Variants in SLC20A2 observed in about 807,000 individuals in gnomAD.
SLC20A2 encodes the protein solute carrier family 20 member 2.
SLC20A2 carries 30 observed loss-of-function variants against 61.0 expected under a neutral mutation model. The ratio of observed to expected loss-of-function variants is 0.49; its 90% CI spans 0.37 to 0.67. The LOEUF (loss-of-function observed/expected upper bound fraction) is 0.67, where lower values mean the gene tolerates loss of function less well. Ranked by LOEUF, SLC20A2 falls within the 30% of genes least tolerant of loss-of-function variation. SLC20A2 has a pLI of 0.00. For synonymous variants in SLC20A2, 351 were observed against 353.3 expected (o/e 0.99, Z 0.07); for missense variants, 626 against 866.4 (o/e 0.72, Z 3.48).
At chr8:42,430,329 T>C in intron 8 of SLC20A2, 80 bp from the exon 9 acceptor site, 2 of 1,196,270 alleles carry the variant, frequency 1.7e-6, no homozygotes, top group African/African-American at 1.5e-5. Context: ...TGTTTTATTG[T>C]GCTTCACTTT....
intron 5 of SLC20A2, among the ~76,000 whole-genome samples, chr8:42,458,944 C>T (rs1158016846): frequency 7.3e-6 from 1 of 136,172 alleles, no homozygotes; most frequent in Non-Finnish European, 1.6e-5. Context: ...TTTTTAACCC[C>T]CCCCCCCACA....
rs887317572 is a variant in SLC20A2, at chr8:42,417,695, A to C, written c.*108T>G. On this transcript the variant is annotated 3_prime_UTR_variant, in exon 11 of 11. Transcript: ENST00000520262. ...GAAGGGAGGCAGAGAGCTGGTCATG[A>C]GAGAGCCGTGCACGGCCAGGATGTG... 3.2e-6 allele frequency: 4 copies of C among 1,239,078 alleles called. No individual in the cohort carries two copies. In the African/African-American group the frequency reaches 5.9e-5, roughly 18 times the overall value. The allele number at this position is 1,239,078 out of a possible 1,614,324, so 76.8% of individuals were successfully genotyped here.
chr8:42,510,332 A>T (rs1291500043), intron 1 of SLC20A2, among the ~76,000 whole-genome samples: 2 of 151,856 alleles, frequency 1.3e-5, no homozygotes, highest in Non-Finnish European at 2.9e-5. Flanking sequence ...ACCAAGGTAA[A>T]CTCCACCCAT....
At chr8:42,426,054 T>A (rs1386890543) in intron 10 of SLC20A2, among the ~76,000 whole-genome samples, 1 of 151,976 alleles carries the variant, frequency 6.6e-6, no homozygotes, top group Admixed American at 6.6e-5. Flanking sequence ...AACCTTATCA[T>A]GTACTTTGTA....
chr8:42,470,396 T>C (rs1270009839), intron 2 of SLC20A2, among the ~76,000 whole-genome samples: 1 of 151,852 alleles, frequency 6.6e-6, no homozygotes, highest in African/African-American at 2.4e-5. Context: ...TTTTTAGTTT[T>C]TTTGTACAGA....
At chr8:42,455,241 A>ATATATATATATATAT in intron 5 of SLC20A2, among the ~76,000 whole-genome samples, 1 of 102,596 alleles carries the variant, frequency 9.7e-6, no homozygotes, top group African/African-American at 5.0e-5. Flanking sequence ...AAAAAAAAAA[A>ATATATATATATATAT]ATATATATAT....
At chr8:42,515,376 A>G (rs1213956018) in intron 1 of SLC20A2, among the ~76,000 whole-genome samples, 1 of 152,218 alleles carries the variant, frequency 6.6e-6, no homozygotes, top group African/African-American at 2.4e-5. Context: ...TGTGTTCAAG[A>G]TAATACAAGA....
intron 1 of SLC20A2, among the ~76,000 whole-genome samples, chr8:42,523,793 G>A (rs1031278949): frequency 6.6e-6 from 1 of 152,168 alleles, no homozygotes; most frequent in Admixed American, 6.5e-5. Flanking sequence ...TTGACCTTCA[G>A]AAATCCCTCA....
chr8:42,493,297 G>A (rs117285053), intron 1 of SLC20A2, among the ~76,000 whole-genome samples: 110 of 152,336 alleles, frequency 7.2e-4, no homozygotes, highest in Middle Eastern at 6.8e-3. Context: ...TCCTGGCAGC[G>A]TCTGGCAGAA....
intron 1 of SLC20A2, among the ~76,000 whole-genome samples, chr8:42,517,908 ATTGT>A (rs1265129318): frequency 1.3e-5 from 2 of 152,192 alleles, no homozygotes; most frequent in African/African-American, 2.4e-5. Flanking sequence ...GTACAAAAAC[ATTGT>A]TTGTAGTGGC....
intron 1 of SLC20A2, among the ~76,000 whole-genome samples, chr8:42,481,139 C>T (rs1201578066): frequency 6.6e-6 from 1 of 152,154 alleles, no homozygotes; most frequent in East Asian, 1.9e-4. Context: ...CTGTTTGAAG[C>T]TAATGCTTAC....
At chr8:42,485,824 T>C (rs964752596) in intron 1 of SLC20A2, among the ~76,000 whole-genome samples, 2 of 151,192 alleles carry the variant, frequency 1.3e-5, no homozygotes, top group African/African-American at 4.9e-5. Context: ...CGCATGCCTG[T>C]AATCCCAGCT....
chr8:42,495,381 G>C (rs1454320137), intron 1 of SLC20A2, among the ~76,000 whole-genome samples: 2 of 152,176 alleles, frequency 1.3e-5, no homozygotes, highest in Non-Finnish European at 2.9e-5. Context: ...GGGTTTCACA[G>C]ACTCTACTTA....
intron 10 of SLC20A2, among the ~76,000 whole-genome samples, chr8:42,421,789 G>A (rs560714283): frequency 1.5e-3 from 225 of 151,992 alleles, no homozygotes; most frequent in Non-Finnish European, 2.4e-3. Context: ...CCTGGGTAAC[G>A]AGTGAAACTC....
intron 1 of SLC20A2, among the ~76,000 whole-genome samples, chr8:42,522,654 C>T (rs1811654448): frequency 8.5e-6 from 1 of 117,264 alleles, no homozygotes; most frequent in Non-Finnish European, 2.0e-5. Context: ...GCACTCCAGC[C>T]TGGGCGACAG....
At chr8:42,519,648 G>A (rs777661798) in intron 1 of SLC20A2, among the ~76,000 whole-genome samples, 3 of 152,004 alleles carry the variant, frequency 2.0e-5, no homozygotes, top group African/African-American at 7.3e-5. Context: ...TCCTTTATCA[G>A]GTATGTAAAG....
At chr8:42,528,269 G>A (rs554056291) in intron 1 of SLC20A2, among the ~76,000 whole-genome samples, 1 of 152,158 alleles carries the variant, frequency 6.6e-6, no homozygotes, top group East Asian at 1.9e-4. Flanking sequence ...AGACCATCCT[G>A]GCTAACACGG....
intron 1 of SLC20A2, among the ~76,000 whole-genome samples, chr8:42,490,382 GAGGCC>G (rs909873531): frequency 3.8e-4 from 58 of 152,270 alleles, no homozygotes; most frequent in African/African-American, 1.4e-3. Flanking sequence ...TGGATCACTT[GAGGCC>G]AGGAGTTCAA....
chr8:42,499,067 A>ATGAGAGCAC, intron 1 of SLC20A2, among the ~76,000 whole-genome samples: 1 of 152,318 alleles, frequency 6.6e-6, no homozygotes, highest in South Asian at 2.1e-4. Flanking sequence ...GAGGAGTAGG[A>ATGAGAGCAC]TGAGAGCACG....
Sources: allele counts gnomAD v4.1 joint callset (sites outside exome capture counted in the v4.1 genomes callset), GRCh38; gene constraint gnomAD v4.1.1; transcripts MANE v1.5; gene names NCBI Gene and HGNC (gene_info 2026-07-23, HGNC 2026-07-21).